The following LRRC4C variants were observed in gnomAD, a reference collection of about 807,000 sequenced individuals.
LRRC4C encodes leucine rich repeat containing 4C, also known as leucine-rich repeat-containing protein 4C.
LRRC4C carries 5 observed loss-of-function variants against 33.6 expected under a neutral mutation model. That is an observed-to-expected ratio of 0.15 (90% CI 0.08 to 0.31). The LOEUF (loss-of-function observed/expected upper bound fraction) is 0.31, where lower values mean the gene tolerates loss of function less well. Ranked by LOEUF, LRRC4C falls within the 10% of genes least tolerant of loss-of-function variation. LRRC4C has a pLI of 1.00. For synonymous variants in LRRC4C, 329 were observed against 302.0 expected, an observed-to-expected ratio of 1.09 and a Z score of -0.93; for missense variants, 560 against 796.7, an observed-to-expected ratio of 0.70 and a Z score of 3.58.
At chr11:41,447,519 T>C (rs1955862102) in intron 1 of LRRC4C, among the ~76,000 whole-genome samples, 1 of 152,196 alleles carries the variant, frequency 6.6e-6, no homozygotes, top group Non-Finnish European at 1.5e-5. Flanking sequence ...GCCTTTCATT[T>C]TTGTCCCCAA....
At chr11:40,236,055 C>A (rs557832467) in intron 5 of LRRC4C, among the ~76,000 whole-genome samples, 78 of 151,668 alleles carry the variant, frequency 5.1e-4, no homozygotes, top group African/African-American at 1.8e-3. Flanking sequence ...TTCTGCCAGT[C>A]ACGGCTCACA....
At chr11:40,753,437 TA>T in intron 2 of LRRC4C, among the ~76,000 whole-genome samples, 1 of 150,524 alleles carries the variant, frequency 6.6e-6, no homozygotes, top group Non-Finnish European at 1.5e-5. Flanking sequence ...AAAAAATACA[TA>T]AAAAACCAAT....
chr11:41,366,166 G>A (rs926473753), intron 1 of LRRC4C, among the ~76,000 whole-genome samples: 2 of 151,402 alleles, frequency 1.3e-5, no homozygotes, highest in Admixed American at 6.6e-5. Flanking sequence ...CTGTTTGTAT[G>A]TGTTTATATA....
At chr11:40,536,338 C>T (rs753879106) in intron 3 of LRRC4C, among the ~76,000 whole-genome samples, 13 of 152,176 alleles carry the variant, frequency 8.5e-5, no homozygotes, top group East Asian at 1.9e-4. Context: ...GGACTACAGG[C>T]GCACACCACC....
chr11:40,270,282 G>A (rs959950143), intron 4 of LRRC4C, among the ~76,000 whole-genome samples: 2 of 152,132 alleles, frequency 1.3e-5, no homozygotes, highest in African/African-American at 4.8e-5. Flanking sequence ...GAGACTAGAA[G>A]TCCAAGATTA....
intron 1 of LRRC4C, among the ~76,000 whole-genome samples, chr11:41,449,975 G>A (rs1332767315): frequency 6.6e-6 from 1 of 152,046 alleles, no homozygotes; most frequent in Admixed American, 6.6e-5. Context: ...TAGCTTGAGA[G>A]AAATAGAAAC....
chr11:40,335,736 T>C (rs924801704), intron 3 of LRRC4C, among the ~76,000 whole-genome samples: 8 of 152,190 alleles, frequency 5.3e-5, no homozygotes, highest in Non-Finnish European at 7.3e-5. Context: ...AATGGATTCG[T>C]CTAACTTTTT....
chr11:40,678,619 A>G (rs1373341144), intron 2 of LRRC4C, among the ~76,000 whole-genome samples: 1 of 152,050 alleles, frequency 6.6e-6, no homozygotes, highest in Non-Finnish European at 1.5e-5. Context: ...TGCTGTTCTC[A>G]TGATAGTGAA....
At chr11:40,683,031 G>A (rs548311299) in intron 2 of LRRC4C, among the ~76,000 whole-genome samples, 4 of 152,086 alleles carry the variant, frequency 2.6e-5, no homozygotes, top group Non-Finnish European at 2.9e-5. Flanking sequence ...ATAAAGAAAC[G>A]GTTACCAAGA....
intron 3 of LRRC4C, among the ~76,000 whole-genome samples, chr11:40,568,092 G>A (rs753009929): frequency 5.3e-5 from 8 of 152,136 alleles, no homozygotes; most frequent in African/African-American, 1.2e-4. Flanking sequence ...TGCTTCAAAC[G>A]AACAGATCAT....
intron 1 of LRRC4C, among the ~76,000 whole-genome samples, chr11:40,965,616 T>C (rs1170736017): frequency 6.6e-6 from 1 of 152,186 alleles, no homozygotes; most frequent in African/African-American, 2.4e-5. Flanking sequence ...CACCATTTAT[T>C]AAATAGGGAA....
intron 1 of LRRC4C, among the ~76,000 whole-genome samples, chr11:40,987,478 A>G (rs75147484): frequency 0.012 from 1,808 of 151,660 alleles, 37 homozygotes; most frequent in African/African-American, 0.042. Context: ...CTTTTCAGAA[A>G]AACGTGCTTT....
intron 1 of LRRC4C, among the ~76,000 whole-genome samples, chr11:40,997,712 T>C (rs1854082401): frequency 6.6e-6 from 1 of 152,110 alleles, no homozygotes; most frequent in African/African-American, 2.4e-5. Context: ...CAAGGAATGA[T>C]GTGTAGGTCT....
intron 1 of LRRC4C, among the ~76,000 whole-genome samples, chr11:41,330,094 C>G (rs963248737): frequency 2.0e-5 from 3 of 152,162 alleles, no homozygotes; most frequent in Non-Finnish European, 4.4e-5. Flanking sequence ...TCCATGCAAT[C>G]ATGCAGGCAG....
At chr11:40,208,301 T>C (rs1467167250) in intron 5 of LRRC4C, among the ~76,000 whole-genome samples, 1 of 152,162 alleles carries the variant, frequency 6.6e-6, no homozygotes, top group African/African-American at 2.4e-5. Flanking sequence ...CAAAGTGATT[T>C]TTCCACTGGG....
intron 2 of LRRC4C, among the ~76,000 whole-genome samples, chr11:40,724,186 G>A (rs970579623): frequency 2.0e-5 from 3 of 152,090 alleles, no homozygotes; most frequent in Non-Finnish European, 2.9e-5. Flanking sequence ...CACTGACAGC[G>A]TTAGACAGAT....
At chr11:40,821,572 A>G (rs1193207647) in intron 2 of LRRC4C, among the ~76,000 whole-genome samples, 1 of 151,628 alleles carries the variant, frequency 6.6e-6, no homozygotes, top group Non-Finnish European at 1.5e-5. Flanking sequence ...TGTAGACATA[A>G]TACAGAGAGT....
chr11:40,469,555 G>A (rs1227455304), intron 3 of LRRC4C, among the ~76,000 whole-genome samples: 1 of 152,084 alleles, frequency 6.6e-6, no homozygotes, highest in Non-Finnish European at 1.5e-5. Context: ...CTGGAAAGGG[G>A]GCTGAAGCCA....
intron 3 of LRRC4C, among the ~76,000 whole-genome samples, chr11:40,473,223 A>T (rs932341105): frequency 3.3e-5 from 5 of 152,198 alleles, no homozygotes; most frequent in Non-Finnish European, 7.4e-5. Context: ...GGCAAACCAA[A>T]TGCAGCAGCA....
Sources: gnomAD v4.1 joint callset for allele counts (sites outside exome capture counted in the v4.1 genomes callset) on GRCh38, gnomAD v4.1.1 for gene constraint, MANE v1.5 for transcripts, NCBI Gene and HGNC (gene_info 2026-07-23, HGNC 2026-07-21) for gene names.